The following NFIA variants were observed in gnomAD, a reference collection of about 807,000 sequenced individuals.
NFIA encodes the protein nuclear factor 1 A-type.
A neutral mutation model predicts 62.8 loss-of-function variants in NFIA; 8 were observed. The ratio of observed to expected loss-of-function variants is 0.13; its 90% CI spans 0.07 to 0.23. NFIA has a LOEUF of 0.23. NFIA is among the 10% of genes least tolerant of loss of function. NFIA has a pLI of 1.00. For synonymous variants in NFIA, 235 were observed against 238.1 expected (o/e 0.99, Z 0.12); for missense variants, 410 against 642.1 (o/e 0.64, Z 3.91).
chr1:61,211,075 G>A (rs1462381552), intron 2 of NFIA, among the ~76,000 whole-genome samples: 1 of 152,148 alleles, frequency 6.6e-6, no homozygotes, highest in Non-Finnish European at 1.5e-5. Flanking sequence ...GTACACTTTC[G>A]TGGCTTATGG....
At chr1:61,444,138 T>G (rs1390383419) in intron 10 of NFIA, among the ~76,000 whole-genome samples, 1 of 152,232 alleles carries the variant, frequency 6.6e-6, no homozygotes, top group Non-Finnish European at 1.5e-5. Flanking sequence ...TCAACGTGCA[T>G]TGACCATTTC....
chr1:61,248,257 A>G (rs76509795), intron 2 of NFIA, among the ~76,000 whole-genome samples: 1 of 152,154 alleles, frequency 6.6e-6, no homozygotes, highest in Non-Finnish European at 1.5e-5. Context: ...AAAATATGTA[A>G]TATCATGAGT....
At chr1:61,223,955 A>G (rs1654171312) in intron 2 of NFIA, among the ~76,000 whole-genome samples, 1 of 152,072 alleles carries the variant, frequency 6.6e-6, no homozygotes, top group African/African-American at 2.4e-5. Flanking sequence ...CTCTCTATTT[A>G]CATATTACCA....
At chr1:61,385,855 T>A (rs1397552040) in intron 7 of NFIA, 1 of 152,132 alleles carries the variant, frequency 6.6e-6, no homozygotes, top group African/African-American at 2.4e-5. Flanking sequence ...TACCAAAGAT[T>A]CTTTGTTTTC....
intron 10 of NFIA, among the ~76,000 whole-genome samples, chr1:61,437,137 C>T (rs1667364815): frequency 6.6e-6 from 1 of 152,206 alleles, no homozygotes; most frequent in African/African-American, 2.4e-5. Context: ...TTGCTGCCCT[C>T]CAGGGCTGGA....
chr1:61,141,489 T>C (rs991300626), intron 2 of NFIA, among the ~76,000 whole-genome samples: 1 of 152,202 alleles, frequency 6.6e-6, no homozygotes, highest in Admixed American at 6.5e-5. Flanking sequence ...AATAACTCGA[T>C]TGTTAACAGC....
At chr1:61,095,291 C>T (rs1646390997) in intron 2 of NFIA, among the ~76,000 whole-genome samples, 1 of 152,166 alleles carries the variant, frequency 6.6e-6, no homozygotes, top group Non-Finnish European at 1.5e-5. Context: ...TTGTCATAGT[C>T]ATATATTGTA....
chr1:61,303,068 A>G (rs1659575043), intron 3 of NFIA, among the ~76,000 whole-genome samples: 4 of 152,156 alleles, frequency 2.6e-5, no homozygotes, highest in South Asian at 2.1e-4. Flanking sequence ...GAGGGTCACA[A>G]TTGCTACTGT....
At chr1:61,151,880 T>C (rs1648441475) in intron 2 of NFIA, among the ~76,000 whole-genome samples, 2 of 152,126 alleles carry the variant, frequency 1.3e-5, no homozygotes, top group Non-Finnish European at 2.9e-5. Context: ...ATTTCAACAA[T>C]GAGACTTTTC....
chr1:61,167,159 A>G (rs1274475419), intron 2 of NFIA, among the ~76,000 whole-genome samples: 2 of 152,118 alleles, frequency 1.3e-5, no homozygotes, highest in Admixed American at 6.5e-5. Flanking sequence ...AAGAATTTAC[A>G]TATTTTCCCA....
chr1:61,369,432 G>A (rs1284673003), intron 6 of NFIA, among the ~76,000 whole-genome samples: 1 of 149,952 alleles, frequency 6.7e-6, no homozygotes, highest in African/African-American at 2.4e-5. Flanking sequence ...AAAAGACAGA[G>A]CGATCATTGA....
At chr1:61,379,406 T>C (rs998314952) in intron 6 of NFIA, among the ~76,000 whole-genome samples, 4 of 104,744 alleles carry the variant, frequency 3.8e-5, no homozygotes, top group Admixed American at 9.4e-5. Flanking sequence ...CTTTTTCTTT[T>C]TTTTTTTTTT....
chr1:61,309,529 A>G (rs1241606709), intron 3 of NFIA, among the ~76,000 whole-genome samples: 1 of 152,028 alleles, frequency 6.6e-6, no homozygotes, highest in African/African-American at 2.4e-5. Context: ...AGGCTTATGT[A>G]TATAAAGACA....
At chr1:61,246,990 C>T (rs943154086) in intron 2 of NFIA, among the ~76,000 whole-genome samples, 1 of 152,184 alleles carries the variant, frequency 6.6e-6, no homozygotes, top group African/African-American at 2.4e-5. Context: ...TGAGCTCTGT[C>T]AGTCTCTTAA....
chr1:61,137,130 A>C (rs896027800), intron 2 of NFIA, among the ~76,000 whole-genome samples: 11 of 152,188 alleles, frequency 7.2e-5, no homozygotes, highest in African/African-American at 2.7e-4. Context: ...AGCGGACAGA[A>C]ACTTATAGCT....
At chr1:61,186,231 T>G (rs1302951573) in intron 2 of NFIA, among the ~76,000 whole-genome samples, 1 of 152,208 alleles carries the variant, frequency 6.6e-6, no homozygotes, top group Non-Finnish European at 1.5e-5. Flanking sequence ...GCTTGAGTCT[T>G]GGCTCTGCCA....
At chr1:61,212,169 A>G (rs1653307164) in intron 2 of NFIA, among the ~76,000 whole-genome samples, 1 of 152,168 alleles carries the variant, frequency 6.6e-6, no homozygotes, top group Admixed American at 6.5e-5. Context: ...CAAGCAAGGA[A>G]CTTTCAGTGC....
At chr1:61,117,219 G>A (rs972451219) in intron 2 of NFIA, among the ~76,000 whole-genome samples, 19 of 152,252 alleles carry the variant, frequency 1.2e-4, no homozygotes, top group African/African-American at 4.1e-4. Context: ...ATAAATGAAA[G>A]CTTTTTCTCT....
intron 2 of NFIA, among the ~76,000 whole-genome samples, chr1:61,148,899 G>T (rs1322693744): frequency 6.6e-6 from 1 of 152,068 alleles, no homozygotes; most frequent in Non-Finnish European, 1.5e-5. Context: ...TAGAGACAGG[G>T]TCTTAATTTG....
Sources: allele counts gnomAD v4.1 joint callset (sites outside exome capture counted in the v4.1 genomes callset), GRCh38; gene constraint gnomAD v4.1.1; transcripts MANE v1.5; gene names NCBI Gene and HGNC (gene_info 2026-07-23, HGNC 2026-07-21).